The following SLC22A15 variants were observed in gnomAD, a reference collection of about 807,000 sequenced individuals.
The protein encoded by SLC22A15 is solute carrier family 22 member 15.
Under a neutral mutation model 62.7 loss-of-function variants are expected in SLC22A15, and 45 were observed. The ratio of observed to expected loss-of-function variants is 0.72; its 90% CI spans 0.56 to 0.92. SLC22A15 has a LOEUF of 0.92. Among genes scored for constraint, SLC22A15 ranks in the 40% least tolerant of loss-of-function variants. The probability of loss-of-function intolerance (pLI) is 0.00; values close to 1 mark genes in which losing one functional copy is unlikely to be tolerated. For synonymous variants in SLC22A15, 264 were observed against 267.0 expected (o/e 0.99, Z 0.11); for missense variants, 622 against 665.6 (o/e 0.93, Z 0.72).
Position 115,991,023 on chromosome 1 carries a change from G to T in SLC22A15, c.88-1008G>T, listed in dbSNP as rs114084133. Among the ~76,000 whole-genome samples, 641 of 152,294 alleles carry T rather than the reference G, an allele frequency of 4.2e-3. 2 individuals are homozygous for T. Among genetic ancestry groups the T allele is most frequent in the Non-Finnish European group, 6.5e-3 (444 of 68,028 alleles). ...TCCACCTGCCTCGGCCTCCCAAAGTGCTGGGACTGCAGGAGCGATGATTAA... is the reference window on the plus strand; with the variant it reads ...TCCACCTGCCTCGGCCTCCCAAAGTTCTGGGACTGCAGGAGCGATGATTAA... On this transcript the variant is annotated intron_variant, in intron 1 of 11. Transcript: ENST00000369503.
At chr1:116,011,084 G>A (rs539704387) in intron 2 of SLC22A15, among the ~76,000 whole-genome samples, 24 of 152,148 alleles carry the variant, frequency 1.6e-4, no homozygotes, top group African/African-American at 5.6e-4. Context: ...GAACTATGTG[G>A]GTCCCTGAAA....
chr1:116,062,445 G>A (rs868698041), intron 8 of SLC22A15, among the ~76,000 whole-genome samples: 26 of 152,296 alleles, frequency 1.7e-4, no homozygotes, highest in Middle Eastern at 3.4e-3. Context: ...CTTGGAAGAT[G>A]AAACTTATAA....
At chr1:116,035,763 G>A (rs1381367688) in intron 7 of SLC22A15, among the ~76,000 whole-genome samples, 2 of 152,100 alleles carry the variant, frequency 1.3e-5, no homozygotes, top group Non-Finnish European at 2.9e-5. Context: ...TATCTTCTGT[G>A]GCCCATCTTA....
intron 8 of SLC22A15, among the ~76,000 whole-genome samples, chr1:116,057,397 T>C (rs1278505772): frequency 6.6e-6 from 1 of 151,664 alleles, no homozygotes; most frequent in Non-Finnish European, 1.5e-5. Context: ...CATTAAAAAG[T>C]CAGGAAACAA....
rs767605411 is a variant in SLC22A15, at chr1:116,037,310, C to T, written c.1093C>T (p.Arg365Trp). The T allele has an allele frequency of 6.8e-6, 11 of 1,612,590 alleles. No homozygotes were observed. The Middle Eastern group carries it at 4.9e-4, about 72-fold the overall frequency. The change falls in exon 8 of 12, where the codon CGG becomes TGG. Residue 365 changes from arginine to tryptophan, a missense_variant. Transcript: ENST00000369503. The stretch of plus-strand genomic sequence containing the variant: ...TTTCTTTCTATTGTTTAGGTTTGGT[C>T]GGAAGCGAACATTATCAGCATTTCT... ...IYLINQKWFGRKRTLSAFLCL... is the reference protein window; with the variant it reads ...IYLINQKWFGWKRTLSAFLCL...
intron 5 of SLC22A15, among the ~76,000 whole-genome samples, chr1:116,029,529 T>C (rs1404116679): frequency 2.0e-5 from 3 of 152,196 alleles, no homozygotes; most frequent in African/African-American, 7.2e-5. Flanking sequence ...TGTTTCCAAA[T>C]CTGTCCACTG....
intron 2 of SLC22A15, among the ~76,000 whole-genome samples, chr1:115,998,349 T>C (rs1021208879): frequency 6.6e-6 from 1 of 152,146 alleles, no homozygotes; most frequent in Non-Finnish European, 1.5e-5. Context: ...TTTGGAGTAC[T>C]TTGAGTAGGA....
chr1:116,026,768 C>CTGT, intron 4 of SLC22A15, 125 bp from the exon 5 acceptor site: 1 of 1,033,922 alleles, frequency 9.7e-7, no homozygotes, highest in South Asian at 2.2e-5. Flanking sequence ...TTCTGGTGTG[C>CTGT]CTCTTATAGT....
intron 5 of SLC22A15, among the ~76,000 whole-genome samples, chr1:116,030,944 A>G (rs1657364905): frequency 6.6e-6 from 1 of 152,150 alleles, no homozygotes; most frequent in African/African-American, 2.4e-5. Flanking sequence ...TAGAACTTAA[A>G]AAAACCCATT....
chr1:116,021,044 C>G (rs1656810596), intron 4 of SLC22A15, among the ~76,000 whole-genome samples, 159 bp downstream of exon 4: 1 of 152,182 alleles, frequency 6.6e-6, no homozygotes, highest in African/African-American at 2.4e-5. Flanking sequence ...TGACCCTGAA[C>G]AAGTCATTTT....
intron 5 of SLC22A15, among the ~76,000 whole-genome samples, chr1:116,030,450 A>T (rs1371310425): frequency 1.3e-5 from 2 of 148,226 alleles, no homozygotes; most frequent in Non-Finnish European, 3.0e-5. Context: ...AATTAGATTT[A>T]AAAAAAAAAC....
intron 8 of SLC22A15, among the ~76,000 whole-genome samples, chr1:116,056,073 A>G (rs1658199813): frequency 7.1e-6 from 1 of 139,902 alleles, no homozygotes; most frequent in Non-Finnish European, 1.5e-5. Flanking sequence ...ATGCAGGAGA[A>G]GGAAATAAAG....
chr1:116,005,364 C>G (rs978568046), intron 2 of SLC22A15, among the ~76,000 whole-genome samples: 5 of 147,458 alleles, frequency 3.4e-5, no homozygotes, highest in African/African-American at 1.4e-4. Flanking sequence ...TTAGTCATTT[C>G]TCCAAAAAGC....
chr1:116,027,408 C>A, intron 5 of SLC22A15: 1 of 506,220 alleles, frequency 2.0e-6, no homozygotes. Flanking sequence ...TATGTAGTGA[C>A]AACTGTTCAT....
intron 2 of SLC22A15, among the ~76,000 whole-genome samples, chr1:116,003,226 G>GC (rs759774365): frequency 6.6e-6 from 1 of 152,156 alleles, no homozygotes; most frequent in Non-Finnish European, 1.5e-5. Context: ...TATGCAAATT[G>GC]CAAGACAAAG....
intron 8 of SLC22A15, among the ~76,000 whole-genome samples, chr1:116,060,518 C>A (rs1557909770): frequency 6.6e-6 from 1 of 152,130 alleles, no homozygotes; most frequent in Non-Finnish European, 1.5e-5. Flanking sequence ...AGTTCTTTAG[C>A]CTGTTGTTAA....
chr1:116,029,727 T>C (rs532830751), intron 5 of SLC22A15, among the ~76,000 whole-genome samples: 5 of 152,244 alleles, frequency 3.3e-5, no homozygotes, highest in Non-Finnish European at 7.3e-5. Context: ...TATAAAGTTT[T>C]AAAAGTAATT....
At chr1:116,034,874 T>C (rs1657575436) in intron 6 of SLC22A15, among the ~76,000 whole-genome samples, 1 of 152,284 alleles carries the variant, frequency 6.6e-6, no homozygotes, top group African/African-American at 2.4e-5. Flanking sequence ...CATTGTGTTC[T>C]ATTAATTGCA....
At chr1:116,027,603 C>T (rs571917281) in intron 5 of SLC22A15, among the ~76,000 whole-genome samples, 87 of 151,864 alleles carry the variant, frequency 5.7e-4, no homozygotes, top group Non-Finnish European at 3.1e-4. Context: ...ATAGATGTTA[C>T]AAGGCAGGCC....
Sources: allele counts gnomAD v4.1 joint callset (sites outside exome capture counted in the v4.1 genomes callset), GRCh38; gene constraint gnomAD v4.1.1; transcripts MANE v1.5; gene names NCBI Gene and HGNC (gene_info 2026-07-23, HGNC 2026-07-21).